LPP: variants seen among roughly 807,000 people sequenced by gnomAD.
The protein encoded by LPP is LIM domain containing preferred translocation partner in lipoma, also known as lipoma-preferred partner.
In LPP, 38 loss-of-function variants were observed where a neutral mutation model predicts 60.4. The ratio of observed to expected loss-of-function variants is 0.63; its 90% CI spans 0.49 to 0.83. The LOEUF (loss-of-function observed/expected upper bound fraction) is 0.83, where lower values mean the gene tolerates loss of function less well. Among genes scored for constraint, LPP ranks in the 40% least tolerant of loss-of-function variants. LPP has a pLI of 0.00. For synonymous variants in LPP, 328 were observed against 290.8 expected (o/e 1.13, Z -1.30); for missense variants, 902 against 783.6 (o/e 1.15, Z -1.80).
chr3:188,481,297 A>G (rs907613803), intron 4 of LPP, among the ~76,000 whole-genome samples: 5 of 152,174 alleles, frequency 3.3e-5, no homozygotes, highest in Non-Finnish European at 5.9e-5. Context: ...GCACCTCTCT[A>G]AGGAATGCAG....
At chr3:188,349,428 C>T (rs1765255237) in intron 3 of LPP, among the ~76,000 whole-genome samples, 1 of 152,168 alleles carries the variant, frequency 6.6e-6, no homozygotes, top group Admixed American at 6.5e-5. Context: ...TATGCCTTTG[C>T]TGTCTGGCTG....
chr3:188,554,346 C>T (rs528321958), intron 6 of LPP, among the ~76,000 whole-genome samples: 1 of 152,128 alleles, frequency 6.6e-6, no homozygotes, highest in Non-Finnish European at 1.5e-5. Context: ...TCTTTTCTAA[C>T]TTGCAAATAG....
intron 4 of LPP, among the ~76,000 whole-genome samples, chr3:188,456,096 T>C (rs1351966786): frequency 6.6e-6 from 1 of 152,162 alleles, no homozygotes. Flanking sequence ...CTTGCTATGT[T>C]GTCCATGTTG....
chr3:188,760,409 G>GGCGTGT lies in LPP; in HGVS notation c.1410+128_1410+129insCGTGTG. 3 of 601,656 alleles carry GGCGTGT rather than the reference G, an allele frequency of 5.0e-6. No individual in the cohort carries two copies. The East Asian group carries it at 8.5e-5, about 17-fold the overall frequency. 37.3% of individuals were successfully genotyped at this position (601,656 alleles called of 1,614,324 possible). A position where few individuals can be genotyped will look rare whatever the true frequency, so the allele number is the denominator to read the frequency against. ...CCTAGACTTCAAAATGTGTGTGTGG[G>GGCGTGT]GTGTGTGTGTGTGTGTGTGTGTGTG... On this transcript the variant is annotated intron_variant, in intron 9 of 11. Coordinates refer to ENST00000617246, the MANE Select transcript of LPP (RefSeq NM_001375462.1).
rs138685539 is a variant in LPP at position 188,470,319 on chromosome 3, C to CACACACACACACACAT, written c.194-14273_194-14272insACACACACACACACAT. Among the ~76,000 whole-genome samples, 281 of 148,860 alleles carry CACACACACACACACAT rather than the reference C, an allele frequency of 1.9e-3. 10 individuals are homozygous for CACACACACACACACAT. The East Asian group carries it at 0.028, about 15-fold the overall frequency. ...ACACACACACACACACACACACACA[C>CACACACACACACACAT]GCACACATAAACCACATACACACAC... On this transcript the variant is annotated intron_variant, in intron 4 of 11. Transcript: ENST00000617246.
intron 6 of LPP, among the ~76,000 whole-genome samples, chr3:188,532,448 CAATA>C (rs1278066577): frequency 6.8e-6 from 1 of 146,388 alleles, no homozygotes; most frequent in African/African-American, 2.6e-5. Flanking sequence ...ATCAATCAAT[CAATA>C]GAAGTGAAGT....
chr3:188,843,797 A>AAAAAAAAAAAAAC (rs1760762722), intron 9 of LPP, among the ~76,000 whole-genome samples: 1 of 149,212 alleles, frequency 6.7e-6, no homozygotes, highest in East Asian at 2.0e-4. Flanking sequence ...AAAAAAAAAA[A>AAAAAAAAAAAAAC]ATCCTTCCTC....
chr3:188,843,467 T>C (rs1378293935), intron 9 of LPP, among the ~76,000 whole-genome samples: 1 of 152,144 alleles, frequency 6.6e-6, no homozygotes, highest in Non-Finnish European at 1.5e-5. Flanking sequence ...CCCTTTTTCA[T>C]CTCTGACATC....
At chr3:188,612,574 A>G (rs1345077050) in intron 7 of LPP, among the ~76,000 whole-genome samples, 1 of 152,182 alleles carries the variant, frequency 6.6e-6, no homozygotes, top group African/African-American at 2.4e-5. Flanking sequence ...TTACTAATTA[A>G]TTAATGATTG....
chr3:188,486,992 T>A (rs1366252369), intron 5 of LPP, among the ~76,000 whole-genome samples: 2 of 152,238 alleles, frequency 1.3e-5, no homozygotes, highest in Non-Finnish European at 1.5e-5. Context: ...GTTTAATATG[T>A]ACAATTTTTA....
At chr3:188,627,244 A>T (rs1847011351) in intron 7 of LPP, among the ~76,000 whole-genome samples, 1 of 152,150 alleles carries the variant, frequency 6.6e-6, no homozygotes. Flanking sequence ...TATCAAGTCT[A>T]CATAAGAACC....
intron 5 of LPP, among the ~76,000 whole-genome samples, chr3:188,511,656 T>C (rs1247562104): frequency 6.6e-6 from 1 of 151,998 alleles, no homozygotes; most frequent in Non-Finnish European, 1.5e-5. Context: ...CGAGTAACCC[T>C]AGAAAGTTCT....
chr3:188,800,445 T>C lies in LPP; in HGVS notation c.1410+40163T>C, dbSNP rs182151409. 7.7e-3 allele frequency among the ~76,000 whole-genome samples: 1,166 copies of C among 151,848 alleles called. 14 individuals carry two copies. The highest frequency in any genetic ancestry group is 0.023 in the South Asian group (110 of 4,814). The stretch of plus-strand genomic sequence containing the variant: ...TATTTTTAGTAGAGGTGGGGTTTCA[T>C]CGTGTTAGCCAGGATGGTCTCCATC... On this transcript the variant is annotated intron_variant, in intron 9 of 11. Coordinates refer to ENST00000617246, the MANE Select transcript of LPP (RefSeq NM_001375462.1).
chr3:188,408,267 A>C (rs555829207), intron 4 of LPP, among the ~76,000 whole-genome samples: 1 of 152,310 alleles, frequency 6.6e-6, no homozygotes, highest in Non-Finnish European at 1.5e-5. Context: ...GAGAGTTCTT[A>C]TAGGCCTGAG....
intron 7 of LPP, among the ~76,000 whole-genome samples, chr3:188,665,659 C>T (rs1855633455): frequency 6.6e-6 from 1 of 151,992 alleles, no homozygotes; most frequent in South Asian, 2.1e-4. Context: ...GTTGGGGTTT[C>T]ACCATGCTGG....
intron 8 of LPP, among the ~76,000 whole-genome samples, chr3:188,746,087 T>C (rs2150243990): frequency 6.6e-6 from 1 of 152,314 alleles, no homozygotes; most frequent in South Asian, 2.1e-4. Context: ...AGAGACACCA[T>C]CACTCCGAGT....
intron 6 of LPP, chr3:188,568,538 G>GTC (rs1192873112): frequency 1.3e-5 from 2 of 151,918 alleles, no homozygotes; most frequent in Non-Finnish European, 2.9e-5. Context: ...TCGACAGACA[G>GTC]TCTTCCATTT....
At chr3:188,867,515 T>C (rs946167571) in intron 10 of LPP, among the ~76,000 whole-genome samples, 2 of 151,944 alleles carry the variant, frequency 1.3e-5, no homozygotes, top group African/African-American at 4.8e-5. Context: ...AGCTAATGTT[T>C]GTATTTTTAG....
intron 1 of LPP, among the ~76,000 whole-genome samples, chr3:188,203,598 TATATAA>T (rs1395133739): frequency 5.3e-5 from 6 of 113,120 alleles, no homozygotes; most frequent in Admixed American, 3.8e-4. Context: ...TATTTAAATA[TATATAA>T]ATATATATTT....
Sources: allele counts gnomAD v4.1 joint callset (sites outside exome capture counted in the v4.1 genomes callset), GRCh38; gene constraint gnomAD v4.1.1; transcripts MANE v1.5; gene names NCBI Gene and HGNC (gene_info 2026-07-23, HGNC 2026-07-21).